Variants in SEC63 observed in about 807,000 individuals in gnomAD.
SEC63 encodes the protein translocation protein SEC63 homolog.
A neutral mutation model predicts 116.2 loss-of-function variants in SEC63; 56 were observed. The observed-to-expected ratio is 0.48, with a 90% confidence interval of 0.39 to 0.60. The LOEUF (loss-of-function observed/expected upper bound fraction) is 0.60. Among genes scored for constraint, SEC63 ranks in the 20% least tolerant of loss-of-function variants. The probability of loss-of-function intolerance (pLI) is 0.00; values close to 1 mark genes in which losing one functional copy is unlikely to be tolerated. For synonymous variants in SEC63, 273 were observed against 294.6 expected (o/e 0.93, Z 0.75); for missense variants, 668 against 900.0 (o/e 0.74, Z 3.30).
intron 1 of SEC63, chr6:107,932,092 T>A (rs112069566): frequency 5.7e-5 from 10 of 176,126 alleles, no homozygotes; most frequent in African/African-American, 1.7e-4. Flanking sequence ...ACTATGGATG[T>A]CAAGGCCAAC....
At chr6:107,934,176 C>G (rs1787876679) in intron 1 of SEC63, among the ~76,000 whole-genome samples, 1 of 152,072 alleles carries the variant, frequency 6.6e-6, no homozygotes, top group South Asian at 2.1e-4. Context: ...CTCTGCCTGG[C>G]CACCCATCGT....
chr6:107,904,520 T>C lies in SEC63; in HGVS notation c.1054+109A>G, dbSNP rs1787096508. 1.4e-5 allele frequency: 11 copies of C among 812,416 alleles called. No homozygotes were observed. The South Asian group carries it at 1.5e-4, about 11-fold the overall frequency. 50.3% of individuals were successfully genotyped at this position (812,416 alleles called of 1,614,324 possible). On this transcript the variant is annotated intron_variant, in intron 11 of 20. Coordinates refer to ENST00000369002, the MANE Select transcript of SEC63 (RefSeq NM_007214.5). ...CATGAGTAAAATTGAAGAAGCTCAC[T>C]GAACTGGCCGACAGAAGTCTGAGTA...
intron 8 of SEC63, among the ~76,000 whole-genome samples, chr6:107,907,789 A>G (rs1205762837): frequency 6.6e-6 from 1 of 152,212 alleles, no homozygotes; most frequent in African/African-American, 2.4e-5. Flanking sequence ...TCAAATGTTT[A>G]CTTAATAACA....
rs189231678 is a variant in SEC63 at position 107,879,412 on chromosome 6, C to T, written c.1935+1737G>A. On this transcript the variant is annotated intron_variant, in intron 18 of 20. Coordinates refer to ENST00000369002, the MANE Select transcript of SEC63 (RefSeq NM_007214.5). ...CACAATCTCAGCTTACCGCAACCTC[C>T]GCCTCCTGGGTTCAAGCAATTCTCC... Among the ~76,000 whole-genome samples, 711 of 152,328 alleles carry T rather than the reference C, an allele frequency of 4.7e-3. 2 individuals carry two copies. The highest frequency in any genetic ancestry group is 9.6e-3 in the Admixed American group (147 of 15,300).
chr6:107,905,222 T>C (rs1054450516), intron 10 of SEC63, among the ~76,000 whole-genome samples: 2 of 152,222 alleles, frequency 1.3e-5, no homozygotes, highest in African/African-American at 4.8e-5. Flanking sequence ...GTTTCCTGCT[T>C]CTTACAGGTA....
At chr6:107,933,075 G>GA (rs1638477730) in intron 1 of SEC63, among the ~76,000 whole-genome samples, 1 of 152,126 alleles carries the variant, frequency 6.6e-6, no homozygotes, top group African/African-American at 2.4e-5. Flanking sequence ...TTTTAACAGG[G>GA]AGGCAGAAGG....
chr6:107,891,633 G>A (rs1260960146), intron 16 of SEC63, among the ~76,000 whole-genome samples: 5 of 152,096 alleles, frequency 3.3e-5, no homozygotes, highest in South Asian at 4.1e-4. Flanking sequence ...CTTTGGAGAA[G>A]AGGCATTCTG....
intron 1 of SEC63, chr6:107,931,812 A>G (rs1787817673): frequency 1.6e-5 from 2 of 129,014 alleles, no homozygotes; most frequent in African/African-American, 6.1e-5. Context: ...GGCACCAAAA[A>G]CAAAGGAGGA....
intron 11 of SEC63, 99 bp from the exon 12 acceptor site, chr6:107,903,097 C>T (rs750472324): frequency 4.4e-5 from 53 of 1,199,786 alleles, no homozygotes; most frequent in Non-Finnish European, 6.1e-5. Flanking sequence ...AAATCCATAA[C>T]ACCTCAAATT....
chr6:107,888,092 A>G (rs981801062), intron 16 of SEC63, among the ~76,000 whole-genome samples: 8 of 152,196 alleles, frequency 5.3e-5, no homozygotes, highest in Non-Finnish European at 1.0e-4. Context: ...TTTTGGTTCC[A>G]TATGAAATTT....
rs751351712 is a variant in SEC63, at chr6:107,876,606, T to C, written c.1992A>G (p.Ile664Met). 1.9e-6 allele frequency: 3 copies of C among 1,605,138 alleles called. No homozygotes were observed. Among genetic ancestry groups the C allele is most frequent in the Non-Finnish European group, 2.5e-6 (3 of 1,177,578 alleles). Residue 664 changes from isoleucine (I) to methionine (M), a missense_variant, in exon 19 of 21, where the codon ATA becomes ATG. Ile to Met is a conservative substitution (Grantham distance 10, BLOSUM62 1). Transcript: ENST00000369002. ...YIADRKEQTL[I>M]SMPYHVCTLK... ...GCGTACACACATGATATGGCATGGA[T>C]ATTAATGTCTGCTCCTTCCTATCTG...
intron 16 of SEC63, among the ~76,000 whole-genome samples, chr6:107,885,774 A>C (rs1786512951): frequency 6.6e-6 from 1 of 152,210 alleles, no homozygotes; most frequent in Admixed American, 6.5e-5. Context: ...ACAACAATTA[A>C]AACTGTATGG....
At chr6:107,912,597 G>GA in intron 6 of SEC63, 119 bp downstream of exon 6, 1 of 714,072 alleles carries the variant, frequency 1.4e-6, no homozygotes, top group Non-Finnish European at 2.6e-6. Flanking sequence ...ATGAATGAAT[G>GA]AATGAATGGC....
At chr6:107,935,178 G>GC (rs1170817923) in intron 1 of SEC63, among the ~76,000 whole-genome samples, 1 of 148,968 alleles carries the variant, frequency 6.7e-6, no homozygotes, top group Non-Finnish European at 1.5e-5. Flanking sequence ...GGGGGGGTCA[G>GC]CCCCCCGCCC....
chr6:107,927,210 G>A (rs757860961), intron 2 of SEC63, among the ~76,000 whole-genome samples: 10 of 151,972 alleles, frequency 6.6e-5, no homozygotes, highest in African/African-American at 2.2e-4. Flanking sequence ...CCACAGGCAC[G>A]CACCACCATG....
intron 1 of SEC63, among the ~76,000 whole-genome samples, chr6:107,940,095 C>T (rs773464264): frequency 6.6e-6 from 1 of 152,042 alleles, no homozygotes; most frequent in Non-Finnish European, 1.5e-5. Context: ...GTTACAGAAA[C>T]GTGGGTCCTA....
rs572955001 is a variant in SEC63 at position 107,933,196 on chromosome 6, G to A, written c.125-3682C>T. ...AAAATACAGGCTATCTACAGAAGCT[G>A]GAAAAGGCAAGAAAACAGATTCTAC... On this transcript the variant is annotated intron_variant, in intron 1 of 20. Coordinates refer to ENST00000369002, the MANE Select transcript of SEC63 (RefSeq NM_007214.5). 1.5e-3 allele frequency among the ~76,000 whole-genome samples: 225 copies of A among 152,182 alleles called. 1 individual carries two copies. Among genetic ancestry groups the A allele is most frequent in the African/African-American group, 5.3e-3 (222 of 41,528 alleles).
intron 1 of SEC63, among the ~76,000 whole-genome samples, chr6:107,935,129 G>GC (rs955195301): frequency 1.4e-5 from 2 of 144,368 alleles, no homozygotes; most frequent in African/African-American, 2.6e-5. Context: ...GGGGGGGTCA[G>GC]CCCCCCGCCC....
At position 107,893,953 on chromosome 6, in the gene SEC63, GACAA is replaced by G. The variant is rs1254731053; in HGVS notation, c.1441-60_1441-57del. Reference sequence around the variant, plus strand: ...TCTGTCAACCTATATTTATCTTTCAGACAAACAAAGCAATCTTTCAAACTGCATT... The same window carrying G: ...TCTGTCAACCTATATTTATCTTTCAGACAAAGCAATCTTTCAAACTGCATT... On this transcript the variant is annotated intron_variant, in intron 14 of 20. Coordinates refer to ENST00000369002, the MANE Select transcript of SEC63 (RefSeq NM_007214.5). The G allele has an allele frequency of 2.5e-5, 39 of 1,561,962 alleles. No homozygotes were observed. In the East Asian group the frequency reaches 2.7e-4, roughly 11 times the overall value.
Sources: allele counts gnomAD v4.1 joint callset (sites outside exome capture counted in the v4.1 genomes callset), GRCh38; gene constraint gnomAD v4.1.1; transcripts MANE v1.5; gene names NCBI Gene and HGNC (gene_info 2026-07-23, HGNC 2026-07-21).